The following FARS2 variants were observed in gnomAD, a reference collection of about 807,000 sequenced individuals.
FARS2 encodes phenylalanyl-tRNA synthetase 2, mitochondrial, also known as phenylalanine--tRNA ligase, mitochondrial.
A neutral mutation model predicts 46.4 loss-of-function variants in FARS2; 40 were observed. That is an observed-to-expected ratio of 0.86 (90% CI 0.67 to 1.12). The LOEUF is 1.12. Among genes scored for constraint, FARS2 ranks in the 50% most tolerant of loss-of-function variants. The pLI, the probability that FARS2 is intolerant of heterozygous loss-of-function variation, is 0.00. For missense variants in FARS2, 513 were observed against 567.9 expected (o/e 0.90, Z 0.98); for synonymous variants, 234 against 214.9 (o/e 1.09, Z -0.78).
At chr6:5,531,736 T>A (rs554219298) in intron 4 of FARS2, among the ~76,000 whole-genome samples, 1 of 152,264 alleles carries the variant, frequency 6.6e-6, no homozygotes, top group East Asian at 1.9e-4. Context: ...GGAAAGTCAA[T>A]CATCCGGTGG....
chr6:5,547,794 G>C (rs1771124502), intron 5 of FARS2, among the ~76,000 whole-genome samples: 1 of 152,222 alleles, frequency 6.6e-6, no homozygotes, highest in African/African-American at 2.4e-5. Context: ...TTTGCCAGTA[G>C]CAGGCTAGCT....
intron 2 of FARS2, among the ~76,000 whole-genome samples, chr6:5,379,758 G>A (rs1441387503): frequency 1.3e-5 from 2 of 152,244 alleles, no homozygotes; most frequent in Non-Finnish European, 2.9e-5. Context: ...TGGAGGAGCT[G>A]TGTTGCCACC....
intron 1 of FARS2, among the ~76,000 whole-genome samples, chr6:5,357,957 C>G (rs1054197746): frequency 6.6e-6 from 1 of 152,186 alleles, no homozygotes; most frequent in African/African-American, 2.4e-5. Flanking sequence ...TTAGACTCTA[C>G]TTACTAATTG....
chr6:5,514,183 A>G (rs908618948), intron 4 of FARS2, among the ~76,000 whole-genome samples: 54 of 152,288 alleles, frequency 3.5e-4, no homozygotes, highest in African/African-American at 1.3e-3. Flanking sequence ...AGATTCACAA[A>G]TATGCAGCCA....
intron 4 of FARS2, among the ~76,000 whole-genome samples, chr6:5,505,616 T>G (rs1332084756): frequency 6.6e-6 from 1 of 152,230 alleles, no homozygotes; most frequent in African/African-American, 2.4e-5. Context: ...CTGCCATGGC[T>G]TCAGCTGATC....
chr6:5,351,060 A>AT (rs1434080465), intron 1 of FARS2, among the ~76,000 whole-genome samples: 1 of 152,192 alleles, frequency 6.6e-6, no homozygotes, highest in Non-Finnish European at 1.5e-5. Flanking sequence ...TCAGAGCCAT[A>AT]TGGGTGGTAG....
At chr6:5,341,982 T>C (rs892887336) in intron 1 of FARS2, among the ~76,000 whole-genome samples, 2 of 152,226 alleles carry the variant, frequency 1.3e-5, no homozygotes. Flanking sequence ...CTCAGTTTCT[T>C]TGTAAGGATC....
rs1428178272 is a variant in FARS2, at chr6:5,519,829, G to A, written c.905-25351G>A. Among the ~76,000 whole-genome samples the A allele has an allele frequency of 3.3e-5, 5 of 152,116 alleles. No individual in the cohort carries two copies. The East Asian group carries it at 5.8e-4, about 18-fold the overall frequency. The stretch of plus-strand genomic sequence containing the variant: ...CATTGTGCCTCACTGGATGGCTTGC[G>A]GTGTGATCTTAATAACAAGCTATAT... On this transcript the variant is annotated intron_variant, in intron 4 of 6. Coordinates refer to ENST00000274680, the MANE Select transcript of FARS2 (RefSeq NM_006567.5).
At chr6:5,375,125 CAT>C (rs35454177) in intron 2 of FARS2, among the ~76,000 whole-genome samples, 26,526 of 151,836 alleles carry the variant, frequency 0.17, 3,706 homozygotes, top group African/African-American at 0.39. Context: ...CATTGGAAAA[CAT>C]AGATAAAACT....
At chr6:5,771,069 C>T (rs973038881) in intron 6 of FARS2, among the ~76,000 whole-genome samples, 3 of 152,228 alleles carry the variant, frequency 2.0e-5, no homozygotes, top group African/African-American at 7.2e-5. Context: ...GATACATCCA[C>T]CCCAGTGGAA....
At chr6:5,309,345 GAC>G (rs1768934789) in intron 1 of FARS2, among the ~76,000 whole-genome samples, 1 of 152,130 alleles carries the variant, frequency 6.6e-6, no homozygotes, top group East Asian at 1.9e-4. Context: ...AGGGGAGAGA[GAC>G]ACTTTCTTTA....
At chr6:5,384,459 A>G (rs930852485) in intron 2 of FARS2, among the ~76,000 whole-genome samples, 3 of 152,278 alleles carry the variant, frequency 2.0e-5, no homozygotes, top group East Asian at 3.9e-4. Context: ...TGCCGGCCAC[A>G]TGGCTGTGTG....
chr6:5,665,159 C>T (rs1778047792), intron 6 of FARS2: 1 of 152,216 alleles, frequency 6.6e-6, no homozygotes. Context: ...GACCATTGTC[C>T]TGAGGAAGCT....
In FARS2 at chr6:5,470,170, A is replaced by G. The variant is rs1765734168; in HGVS notation, c.904+38998A>G. On this transcript the variant is annotated intron_variant, in intron 4 of 6. Transcript: ENST00000274680. ...TTCTTTAATACAGTTGGCCCTCCAT[A>G]CCTGCAGGTTCTGCATCCGCAGACT... Among the ~76,000 whole-genome samples the G allele has an allele frequency of 1.3e-5, 2 of 152,212 alleles. 1 individual carries two copies. Among genetic ancestry groups the G allele is most frequent in the Admixed American group, 1.3e-4 (2 of 15,280 alleles).
intron 4 of FARS2, among the ~76,000 whole-genome samples, chr6:5,517,007 AG>A (rs1768840245): frequency 6.6e-6 from 1 of 152,166 alleles, no homozygotes; most frequent in African/African-American, 2.4e-5. Context: ...GAGAGACAAA[AG>A]TTTAGATAGA....
intron 4 of FARS2, among the ~76,000 whole-genome samples, chr6:5,524,790 G>A (rs945180261): frequency 1.3e-5 from 2 of 152,162 alleles, no homozygotes; most frequent in Admixed American, 1.3e-4. Context: ...CTGGCTGCAG[G>A]GTCTGTGCTC....
At chr6:5,580,917 T>G (rs943979088) in intron 5 of FARS2, among the ~76,000 whole-genome samples, 2 of 152,224 alleles carry the variant, frequency 1.3e-5, no homozygotes, top group Admixed American at 6.5e-5. Flanking sequence ...CACATTTGTT[T>G]AGTATGAACG....
intron 4 of FARS2, among the ~76,000 whole-genome samples, chr6:5,525,817 T>G (rs1769428469): frequency 6.6e-6 from 1 of 152,236 alleles, no homozygotes; most frequent in Non-Finnish European, 1.5e-5. Context: ...ATTTTGTGTT[T>G]GGGCAAATAT....
chr6:5,717,326 C>T (rs191255243), intron 6 of FARS2, among the ~76,000 whole-genome samples: 5 of 149,432 alleles, frequency 3.3e-5, no homozygotes, highest in Admixed American at 6.7e-5. Context: ...AGCCAGGAAC[C>T]GTGGATAGAA....
Sources: allele counts gnomAD v4.1 joint callset (sites outside exome capture counted in the v4.1 genomes callset), GRCh38; gene constraint gnomAD v4.1.1; transcripts MANE v1.5; gene names NCBI Gene and HGNC (gene_info 2026-07-23, HGNC 2026-07-21).